Variants in ESR2 observed in about 807,000 individuals in gnomAD.
ESR2 encodes the protein estrogen receptor 2.
ESR2 carries 36 observed loss-of-function variants against 49.6 expected under a neutral mutation model. The observed-to-expected ratio is 0.73, with a 90% confidence interval of 0.56 to 0.96. The LOEUF is 0.96. Among genes scored for constraint, ESR2 ranks in the 40% least tolerant of loss-of-function variants. The pLI, the probability that ESR2 is intolerant of heterozygous loss-of-function variation, is 0.00. For synonymous variants in ESR2, 320 were observed against 266.1 expected, an observed-to-expected ratio of 1.20 and a Z score of -1.97; for missense variants, 714 against 693.0, an observed-to-expected ratio of 1.03 and a Z score of -0.34.
intron 1 of ESR2, among the ~76,000 whole-genome samples, chr14:64,323,791 A>G (rs529260374): frequency 7.2e-5 from 11 of 152,300 alleles, no homozygotes; most frequent in African/African-American, 2.6e-4. Flanking sequence ...TCCCAGGTTC[A>G]ATCGATTCTC....
chr14:64,327,393 T>A (rs2077402963), intron 1 of ESR2, among the ~76,000 whole-genome samples: 1 of 150,158 alleles, frequency 6.7e-6, no homozygotes, highest in Admixed American at 6.6e-5. Flanking sequence ...AAACCCCATC[T>A]CTACTAAAAA....
At chr14:64,323,523 T>C (rs1378993109) in intron 1 of ESR2, among the ~76,000 whole-genome samples, 19 of 151,608 alleles carry the variant, frequency 1.3e-4, no homozygotes, top group Non-Finnish European at 2.9e-5. Flanking sequence ...CGTTATTTTG[T>C]ACAATCTTAA....
At chr14:64,293,950 T>C (rs1429452134) in intron 1 of ESR2, 83 bp downstream of exon 1, 2 of 152,248 alleles carry the variant, frequency 1.3e-5, no homozygotes, top group African/African-American at 2.4e-5. Context: ...TCTTTTATTG[T>C]TCTCAACACG....
chr14:64,256,096 GTCAGATGTGGCTGAACAT>G (rs2076090582), intron 6 of ESR2, among the ~76,000 whole-genome samples: 1 of 152,208 alleles, frequency 6.6e-6, no homozygotes, highest in African/African-American at 2.4e-5. Flanking sequence ...GCTATGCAGA[GTCAGATGTGGCTGAACAT>G]TCAACCTAGC....
At chr14:64,318,901 G>A (rs1421858374) in intron 1 of ESR2, among the ~76,000 whole-genome samples, 1 of 151,864 alleles carries the variant, frequency 6.6e-6, no homozygotes, top group East Asian at 1.9e-4. Context: ...TTAGCCAGGC[G>A]TGGTTGGCAT....
chr14:64,320,411 A>G (rs2077311477), intron 1 of ESR2, among the ~76,000 whole-genome samples: 1 of 152,050 alleles, frequency 6.6e-6, no homozygotes, highest in South Asian at 2.1e-4. Context: ...AAAAAAAAAA[A>G]GTTGTGGTTG....
At chr14:64,272,728 G>T (rs1002525456) in intron 3 of ESR2, among the ~76,000 whole-genome samples, 2 of 152,148 alleles carry the variant, frequency 1.3e-5, no homozygotes, top group Non-Finnish European at 2.9e-5. Flanking sequence ...TGATCCCTAT[G>T]TCTGTTTTAG....
At chr14:64,274,666 T>C (rs993987057) in intron 3 of ESR2, among the ~76,000 whole-genome samples, 1 of 152,194 alleles carries the variant, frequency 6.6e-6, no homozygotes, top group Non-Finnish European at 1.5e-5. Context: ...GGCTTGCTCT[T>C]GCTTTTCTAG....
At chr14:64,277,109 C>T (rs2076571437) in intron 3 of ESR2, among the ~76,000 whole-genome samples, 1 of 152,158 alleles carries the variant, frequency 6.6e-6, no homozygotes, top group African/African-American at 2.4e-5. Flanking sequence ...GTCCTTCTCC[C>T]TATGTCCTCC....
intron 7 of ESR2, among the ~76,000 whole-genome samples, chr14:64,244,415 G>T (rs544418136): frequency 6.8e-6 from 1 of 147,474 alleles, no homozygotes; most frequent in Admixed American, 6.7e-5. Context: ...AAAAAAAAAA[G>T]AAAGAACAGT....
Position 64,249,691 on chromosome 14 carries a change from C to T in ESR2, c.1092-12G>A, listed in dbSNP as rs747797582. The T allele has an allele frequency of 4.2e-5, 67 of 1,598,486 alleles. No individual in the cohort carries two copies. In the South Asian group the frequency reaches 7.0e-4, roughly 17 times the overall value. Reference sequence around the variant, plus strand: ...ATTTCCCCTCATCCCTACAAAAGTTCGTTTGGAAATTTAAGGAACATAGCT... The same window carrying T: ...ATTTCCCCTCATCCCTACAAAAGTTTGTTTGGAAATTTAAGGAACATAGCT... On this transcript the variant is annotated splice_polypyrimidine_tract_variant and intron_variant, in intron 6 of 8. Coordinates refer to ENST00000341099, the MANE Select transcript of ESR2 (RefSeq NM_001437.3).
intron 1 of ESR2, chr14:64,335,976 TGTGTG>T (rs1567810407): frequency 6.9e-3 from 51 of 7,426 alleles, no homozygotes; most frequent in African/African-American, 0.018. Flanking sequence ...AGCTAATTTG[TGTGTG>T]TGTGTGTGTG....
At chr14:64,290,229 GC>G (rs1044431723) in intron 1 of ESR2, among the ~76,000 whole-genome samples, 3 of 151,936 alleles carry the variant, frequency 2.0e-5, no homozygotes, top group Admixed American at 1.3e-4. Context: ...GCACCATCAT[GC>G]CCAGCTGATT....
chr14:64,239,848 G>A (rs1302073268), intron 7 of ESR2, among the ~76,000 whole-genome samples: 1 of 152,216 alleles, frequency 6.6e-6, no homozygotes, highest in East Asian at 1.9e-4. Context: ...GAGTTAGAAT[G>A]TTGTGGTCCT....
rs35743760 is a variant in ESR2, at chr14:64,232,613, A to T, written c.*524T>A. On this transcript the variant is annotated 3_prime_UTR_variant, in exon 9 of 9. Transcript: ENST00000341099. ...AGAATAAGCATCATATGATATGATC[A>T]GTCCCCACAGGCCTGGGAGGTAAGT... The T allele has an allele frequency of 7.6e-4, 116 of 153,490 alleles. No homozygotes were observed. The highest frequency in any genetic ancestry group is 1.5e-3 in the Non-Finnish European group (100 of 68,770). The allele number at this position is 153,490 out of a possible 1,614,324, so 9.5% of individuals were successfully genotyped here. A position where few individuals can be genotyped will look rare whatever the true frequency, so the allele number is the denominator to read the frequency against.
At chr14:64,302,086 G>C (rs1359095700) in intron 1 of ESR2, among the ~76,000 whole-genome samples, 8 of 152,142 alleles carry the variant, frequency 5.3e-5, no homozygotes, top group Non-Finnish European at 7.3e-5. Flanking sequence ...CCAATTATAA[G>C]AGTAATTTGC....
rs2098728245 is a variant in ESR2 at position 64,232,552 on chromosome 14, C to G, written c.*585G>C. On this transcript the variant is annotated 3_prime_UTR_variant, in exon 9 of 9. Transcript: ENST00000341099. The stretch of plus-strand genomic sequence containing the variant: ...AAGGTCAGGGAGAGAACATGACTCA[C>G]ATCCCAGCTTAACCACAGTCCCTCT... The G allele has an allele frequency of 6.6e-6, 1 of 152,430 alleles. No individual in the cohort carries two copies. The highest frequency in any genetic ancestry group is 2.1e-4 in the South Asian group (1 of 4,836). The allele number at this position is 152,430 out of a possible 1,614,324, so 9.4% of individuals were successfully genotyped here.
intron 1 of ESR2, chr14:64,330,790 C>T (rs1056087698): frequency 1.3e-5 from 2 of 151,410 alleles, no homozygotes; most frequent in South Asian, 2.1e-4. Context: ...ATCATCATGG[C>T]AGCAGGCACC....
rs367770567 is a variant in ESR2, at chr14:64,246,768, C to A, written c.1225+2778G>T. On this transcript the variant is annotated intron_variant, in intron 7 of 8. Coordinates refer to ENST00000341099, the MANE Select transcript of ESR2 (RefSeq NM_001437.3). ...AAAAAAAAAAAAAAAAAAAAAAAAA[C>A]ACACCTGGCTGGACTTTCCTTATAT... Among the ~76,000 whole-genome samples, 777 of 77,978 alleles carry A rather than the reference C, an allele frequency of 1.0e-2. 6 individuals are homozygous for A. The highest frequency in any genetic ancestry group is 0.033 in the African/African-American group (534 of 16,248). The allele number at this position is 77,978 out of a possible 152,430, so 51.2% of individuals were successfully genotyped here. A position where few individuals can be genotyped will look rare whatever the true frequency, so the allele number is the denominator to read the frequency against.
Sources: allele counts gnomAD v4.1 joint callset (sites outside exome capture counted in the v4.1 genomes callset), GRCh38; gene constraint gnomAD v4.1.1; transcripts MANE v1.5; gene names NCBI Gene and HGNC (gene_info 2026-07-23, HGNC 2026-07-21).